The following SIAE variants were observed in gnomAD, a reference collection of about 807,000 sequenced individuals.
The protein encoded by SIAE is sialic acid acetylesterase.
Under a neutral mutation model 52.6 loss-of-function variants are expected in SIAE, and 39 were observed. The observed-to-expected ratio is 0.74, with a 90% CI of 0.57 to 0.97. The LOEUF (loss-of-function observed/expected upper bound fraction) is 0.97, where lower values mean the gene tolerates loss of function less well. Among genes scored for constraint, SIAE ranks in the 50% least tolerant of loss-of-function variants. SIAE has a pLI of 0.00. For synonymous variants in SIAE, 233 were observed against 241.4 expected (o/e 0.97, Z 0.32); for missense variants, 592 against 662.1 (o/e 0.89, Z 1.16).
intron 4 of SIAE, among the ~76,000 whole-genome samples, chr11:124,651,547 CAAAAA>C (rs35688416): frequency 2.5e-5 from 2 of 81,610 alleles, no homozygotes; most frequent in South Asian, 4.6e-4. Flanking sequence ...GACTCCGTCT[CAAAAA>C]AAAAAAAAAA....
chr11:124,662,404 C>G (rs1291580845), intron 2 of SIAE, among the ~76,000 whole-genome samples: 1 of 152,160 alleles, frequency 6.6e-6, no homozygotes, highest in Non-Finnish European at 1.5e-5. Context: ...TGTCCTTCTG[C>G]CACCAACGTT....
intron 2 of SIAE, among the ~76,000 whole-genome samples, chr11:124,665,644 T>C (rs557031827): frequency 1.1e-4 from 16 of 152,228 alleles, no homozygotes; most frequent in South Asian, 6.2e-4. Context: ...CAATTTATTA[T>C]GTAGCATAGA....
At chr11:124,662,194 G>A (rs912914500) in intron 2 of SIAE, among the ~76,000 whole-genome samples, 1 of 152,192 alleles carries the variant, frequency 6.6e-6, no homozygotes. Context: ...ACACGTCAAC[G>A]TATTAAATGT....
At chr11:124,653,454 G>A (rs1943046824) in intron 4 of SIAE, among the ~76,000 whole-genome samples, 1 of 152,186 alleles carries the variant, frequency 6.6e-6, no homozygotes, top group Non-Finnish European at 1.5e-5. Context: ...GGACAGAGAA[G>A]ACAGAGGAGG....
intron 6 of SIAE, 51 bp downstream of exon 6, chr11:124,648,015 T>C (rs752234466): frequency 5.1e-6 from 7 of 1,380,690 alleles, no homozygotes; most frequent in East Asian, 4.6e-5. Context: ...TGCTGTGTTA[T>C]ACAGCAAACG....
rs147166257 is a variant in SIAE at position 124,641,530 on chromosome 11, C to T, written c.967-1663G>A. ...CTGCACGACATCGTGAATGTGCTAA[C>T]GTGCTACTGAACTCAATTGCATGTT... On this transcript the variant is annotated intron_variant, in intron 7 of 9. Coordinates refer to ENST00000263593, the MANE Select transcript of SIAE (RefSeq NM_170601.5). Among the ~76,000 whole-genome samples the T allele has an allele frequency of 4.6e-5, 7 of 152,310 alleles. No homozygotes were observed. The East Asian group carries it at 7.7e-4, about 17-fold the overall frequency.
rs1331437887 is a variant in SIAE at position 124,638,741 on chromosome 11, C to T, written c.1125-4G>A. The T allele has an allele frequency of 6.2e-7, 1 of 1,613,460 alleles. No individual in the cohort carries two copies. Among genetic ancestry groups the T allele is most frequent in the Admixed American group, 1.7e-5 (1 of 60,010 alleles). Reference sequence around the variant, plus strand: ...CTGTTTATCTCGAGGGTGGATGCTACAGGATAAGGAACAAGTAGAGAACTT... The same window carrying T: ...CTGTTTATCTCGAGGGTGGATGCTATAGGATAAGGAACAAGTAGAGAACTT... On this transcript the variant is annotated splice_polypyrimidine_tract_variant and splice_region_variant and intron_variant, in intron 8 of 9. Transcript: ENST00000263593.
At position 124,635,657 on chromosome 11, in the gene SIAE, A is replaced by C. The variant is rs1476171299; in HGVS notation, c.*1294T>G. The C allele has an allele frequency of 2.0e-5, 3 of 152,230 alleles. No individual in the cohort carries two copies. The highest frequency in any genetic ancestry group is 4.4e-5 in the Non-Finnish European group (3 of 68,046). 9.4% of individuals were successfully genotyped at this position (152,230 alleles called of 1,614,324 possible). On this transcript the variant is annotated 3_prime_UTR_variant, in exon 10 of 10. Coordinates refer to ENST00000263593, the MANE Select transcript of SIAE (RefSeq NM_170601.5). ...TTACACTACGTAAAATACATTGTAT[A>C]TGTACAGTGAGTGATGCTTTTTGCT... is the stretch of plus-strand genomic sequence containing the variant.
chr11:124,639,635 C>T, intron 8 of SIAE, 75 bp downstream of exon 8: 2 of 1,600,510 alleles, frequency 1.2e-6, no homozygotes, highest in East Asian at 2.2e-5. Flanking sequence ...CTAATTGCCC[C>T]TCACCGGTGA....
rs1202615353 is a variant in SIAE, at chr11:124,635,917, G to A, written c.*1034C>T. The A allele has an allele frequency of 6.6e-6, 1 of 152,024 alleles. No individual in the cohort carries two copies. The highest frequency in any genetic ancestry group is 1.5e-5 in the Non-Finnish European group (1 of 68,004). The allele number at this position is 152,024 out of a possible 1,614,324, so 9.4% of individuals were successfully genotyped here. A position where few individuals can be genotyped will look rare whatever the true frequency, so the allele number is the denominator to read the frequency against. On this transcript the variant is annotated 3_prime_UTR_variant, in exon 10 of 10. Coordinates refer to ENST00000263593, the MANE Select transcript of SIAE (RefSeq NM_170601.5). The stretch of plus-strand genomic sequence containing the variant: ...GATTCTTAATAAACAAACACTGAAG[G>A]CCTCTTTCATATTTGTATCATCTGC...
chr11:124,657,157 C>T (rs983526911), intron 3 of SIAE, among the ~76,000 whole-genome samples: 1 of 152,204 alleles, frequency 6.6e-6, no homozygotes, highest in Non-Finnish European at 1.5e-5. Context: ...ACTGACTGGT[C>T]TTCCCATTCT....
chr11:124,642,450 AAGAT>A (rs1942864388), intron 7 of SIAE, among the ~76,000 whole-genome samples: 1 of 152,246 alleles, frequency 6.6e-6, no homozygotes, highest in African/African-American at 2.4e-5. Context: ...AATGAATAAC[AAGAT>A]AGATCTGTAA....
At position 124,639,816 on chromosome 11, in the gene SIAE, G is replaced by T; in HGVS notation, c.1018C>A (p.Arg340Ser). ...KSSDDGFPQI[R>S]WHQTADFGYV... Reference sequence around the variant, plus strand: ...CCGAAGTCTGCTGTTTGATGCCAACGGATCTGGGGAAATCCATCGTCTGAG... The same window carrying T: ...CCGAAGTCTGCTGTTTGATGCCAACTGATCTGGGGAAATCCATCGTCTGAG... Residue 340 changes from arginine (R) to serine (S), a missense_variant, in exon 8 of 10, where the codon CGT becomes AGT. Coordinates refer to ENST00000263593, the MANE Select transcript of SIAE (RefSeq NM_170601.5). 6.2e-7 allele frequency: 1 copy of T among 1,614,202 alleles called. No homozygotes were observed. Among genetic ancestry groups the T allele is most frequent in the South Asian group, 1.1e-5 (1 of 91,084 alleles).
intron 9 of SIAE, among the ~76,000 whole-genome samples, chr11:124,637,997 C>T (rs7945178): frequency 0.043 from 6,498 of 152,238 alleles, 469 homozygotes; most frequent in African/African-American, 0.15. Context: ...CCTCAAATAT[C>T]GAAGACTCCT....
chr11:124,664,901 C>A (rs556970536), intron 2 of SIAE, among the ~76,000 whole-genome samples: 2 of 123,804 alleles, frequency 1.6e-5, no homozygotes, highest in Non-Finnish European at 3.2e-5. Flanking sequence ...CCCAACAGAA[C>A]CCTAGTTCCT....
chr11:124,669,269 T>C, intron 2 of SIAE, 91 bp downstream of exon 2: 1 of 1,475,478 alleles, frequency 6.8e-7, no homozygotes, highest in South Asian at 1.1e-5. Context: ...GACGGATGGA[T>C]AATGTGAGCT....
At chr11:124,640,688 G>T (rs946396622) in intron 7 of SIAE, among the ~76,000 whole-genome samples, 1 of 152,158 alleles carries the variant, frequency 6.6e-6, no homozygotes, top group Admixed American at 6.5e-5. Flanking sequence ...ATGTGGATTT[G>T]CAGTTCCTCC....
intron 8 of SIAE, among the ~76,000 whole-genome samples, chr11:124,638,982 G>C (rs574580399): frequency 1.3e-5 from 2 of 152,268 alleles, no homozygotes; most frequent in East Asian, 1.9e-4. Flanking sequence ...TAAAGGGCAG[G>C]TTGGGAGGAG....
chr11:124,665,536 C>T (rs1239690122), intron 2 of SIAE, among the ~76,000 whole-genome samples: 1 of 152,218 alleles, frequency 6.6e-6, no homozygotes, highest in Non-Finnish European at 1.5e-5. Flanking sequence ...CCTTGTGAGA[C>T]CCTCAGTAGA....
Sources: gnomAD v4.1 joint callset for allele counts (sites outside exome capture counted in the v4.1 genomes callset) on GRCh38, gnomAD v4.1.1 for gene constraint, MANE v1.5 for transcripts, NCBI Gene and HGNC (gene_info 2026-07-23, HGNC 2026-07-21) for gene names.